Variants in ASPRV1 observed in about 807,000 individuals in gnomAD.
ASPRV1 encodes aspartic peptidase retroviral like 1.
ASPRV1 carries 7 observed loss-of-function variants against 11.0 expected under a neutral mutation model. The observed-to-expected ratio is 0.64, with a 90% CI of 0.36 to 1.20. ASPRV1 has a LOEUF of 1.20. ASPRV1 is among the 50% of genes most tolerant of loss of function. The pLI, the probability that ASPRV1 is intolerant of heterozygous loss-of-function variation, is 0.02. For synonymous variants in ASPRV1, 136 were observed against 138.4 expected, an observed-to-expected ratio of 0.98 and a Z score of 0.12; for missense variants, 299 against 320.0, an observed-to-expected ratio of 0.93 and a Z score of 0.50.
the ASPRV1 span, chr2:70,000,491 A>G: frequency 6.6e-6 from 1 of 151,986 alleles, no homozygotes; most frequent in Non-Finnish European, 1.5e-5. Context: ...AAATATATCA[A>G]TAGAAAACAG....
chr2:70,079,452 A>C, the ASPRV1 span, among the ~76,000 whole-genome samples: 5 of 152,208 alleles, frequency 3.3e-5, no homozygotes, highest in Non-Finnish European at 7.3e-5. Context: ...CGGCCTGGAC[A>C]ACAGAGTGAG....
At chr2:70,066,937 G>A in the ASPRV1 span, among the ~76,000 whole-genome samples, 3 of 152,120 alleles carry the variant, frequency 2.0e-5, no homozygotes, top group East Asian at 1.9e-4. Context: ...GTGGAGACTG[G>A]AATGGAGGTA....
At chr2:70,071,112 C>A in the ASPRV1 span, among the ~76,000 whole-genome samples, 1 of 152,160 alleles carries the variant, frequency 6.6e-6, no homozygotes, top group Admixed American at 6.6e-5. Flanking sequence ...AGCCTGACCT[C>A]CTAATGATTA....
chr2:70,086,394 A>G, the ASPRV1 span: 1 of 152,394 alleles, frequency 6.6e-6, no homozygotes, highest in Non-Finnish European at 1.5e-5. Flanking sequence ...GGTCTGGCTT[A>G]GCCCAAGGAG....
rs146425292 is a variant in ASPRV1 at position 69,960,898 on chromosome 2, C to T, written c.539G>A (p.Gly180Asp). ...GAACTGTGCCTTCAGCTTCAGCTTG[C>T]CTAGGGACACCGCTGTATCCCAGAC... ...LGVWDTAVSLGKLKLKAQFLV... is the reference protein window; with the variant it reads ...LGVWDTAVSLDKLKLKAQFLV... The change falls in exon 1 of 1, where the codon GGC becomes GAC. Residue 180 changes from glycine to aspartate, a missense_variant. Gly to Asp is a moderately conservative substitution (Grantham distance 94). Transcript: ENST00000320256. 4 of 1,614,098 alleles carry T rather than the reference C, an allele frequency of 2.5e-6. No homozygotes were observed. Among genetic ancestry groups the T allele is most frequent in the Non-Finnish European group, 3.4e-6 (4 of 1,180,014 alleles).
the ASPRV1 span, among the ~76,000 whole-genome samples, chr2:70,028,114 G>A: frequency 3.3e-5 from 5 of 152,222 alleles, no homozygotes; most frequent in East Asian, 3.9e-4. Context: ...TAGAACTCTC[G>A]CTTCCTTTCA....
the ASPRV1 span, among the ~76,000 whole-genome samples, chr2:70,043,054 C>T: frequency 1.3e-5 from 2 of 152,072 alleles, no homozygotes. Flanking sequence ...GGAGAAAACG[C>T]TGTGAGAATT....
At chr2:69,994,543 T>A in the ASPRV1 span, among the ~76,000 whole-genome samples, 1 of 152,152 alleles carries the variant, frequency 6.6e-6, no homozygotes, top group South Asian at 2.1e-4. Context: ...CAGCCTGGGC[T>A]GTGTTTGGAG....
At chr2:70,085,652 AG>A in the ASPRV1 span, 215 of 152,330 alleles carry the variant, frequency 1.4e-3, 1 homozygote, top group African/African-American at 5.0e-3. Context: ...AGAGAGAGAG[AG>A]ATAAGAACAC....
At chr2:70,012,989 A>T in the ASPRV1 span, among the ~76,000 whole-genome samples, 1 of 152,244 alleles carries the variant, frequency 6.6e-6, no homozygotes, top group African/African-American at 2.4e-5. Flanking sequence ...TGAAGATTTA[A>T]AATTTTGGAA....
the ASPRV1 span, among the ~76,000 whole-genome samples, chr2:70,008,037 T>C: frequency 6.6e-6 from 1 of 152,118 alleles, no homozygotes; most frequent in African/African-American, 2.4e-5. Context: ...GGTTTCACTA[T>C]GTTGGCCAGG....
the ASPRV1 span, among the ~76,000 whole-genome samples, chr2:70,037,560 T>C: frequency 2.4e-4 from 36 of 152,350 alleles, no homozygotes; most frequent in African/African-American, 8.2e-4. Flanking sequence ...CTGGCTGAAA[T>C]AGCCTTTTTC....
the ASPRV1 span, among the ~76,000 whole-genome samples, chr2:70,036,118 C>T: frequency 6.6e-6 from 1 of 151,556 alleles, no homozygotes; most frequent in African/African-American, 2.4e-5. Flanking sequence ...GATGAATTTT[C>T]CAAAGAGGGG....
At chr2:70,038,843 C>T in the ASPRV1 span, among the ~76,000 whole-genome samples, 1 of 152,098 alleles carries the variant, frequency 6.6e-6, no homozygotes, top group African/African-American at 2.4e-5. Context: ...CTTTGGGAAG[C>T]CGAGGTGGGC....
At chr2:70,030,536 C>G in the ASPRV1 span, 1 of 152,110 alleles carries the variant, frequency 6.6e-6, no homozygotes, top group African/African-American at 2.4e-5. Flanking sequence ...GACACAGGAG[C>G]AGGGAAGGCT....
the ASPRV1 span, among the ~76,000 whole-genome samples, chr2:70,001,685 A>G: frequency 6.6e-6 from 1 of 152,248 alleles, no homozygotes; most frequent in East Asian, 1.9e-4. Flanking sequence ...GCTTAAGCCC[A>G]GGAGATGGAG....
chr2:69,967,503 A>G, the ASPRV1 span, among the ~76,000 whole-genome samples: 1 of 152,224 alleles, frequency 6.6e-6, no homozygotes, highest in African/African-American at 2.4e-5. Context: ...GGGGATGTGG[A>G]TAGTGAAGGC....
chr2:70,080,748 AAT>A, the ASPRV1 span, among the ~76,000 whole-genome samples: 3 of 152,232 alleles, frequency 2.0e-5, no homozygotes, highest in Admixed American at 6.5e-5. Flanking sequence ...GTAGCAAAAC[AAT>A]AGTCACCAAA....
the ASPRV1 span, among the ~76,000 whole-genome samples, chr2:70,080,710 T>C: frequency 1.3e-5 from 2 of 152,192 alleles, no homozygotes; most frequent in East Asian, 3.8e-4. Context: ...GCAAGTATAG[T>C]CAAATCTCAA....
Sources: allele counts gnomAD v4.1 joint callset (sites outside exome capture counted in the v4.1 genomes callset), GRCh38; gene constraint gnomAD v4.1.1; transcripts MANE v1.5; gene names NCBI Gene and HGNC (gene_info 2026-07-23, HGNC 2026-07-21).